Variants in PAM observed in about 807,000 individuals in gnomAD.
PAM encodes the protein peptidyl-glycine alpha-amidating monooxygenase.
A neutral mutation model predicts 122.1 loss-of-function variants in PAM; 72 were observed. That is an observed-to-expected ratio of 0.59 (90% CI 0.49 to 0.72). PAM has a LOEUF of 0.72. Ranked by LOEUF, PAM falls within the 30% of genes least tolerant of loss-of-function variation. The pLI is 0.00. For missense variants in PAM, 1,106 were observed against 1,183.7 expected (o/e 0.93, Z 0.96); for synonymous variants, 389 against 404.4 (o/e 0.96, Z 0.46).
intron 21 of PAM, among the ~76,000 whole-genome samples, chr5:103,013,551 CT>C (rs1223739762): frequency 6.6e-6 from 1 of 152,002 alleles, no homozygotes; most frequent in East Asian, 1.9e-4. Context: ...TCCTTTATTT[CT>C]TTTTCTTGTC....
chr5:102,939,274 A>G (rs981729251), intron 7 of PAM, among the ~76,000 whole-genome samples: 6 of 152,018 alleles, frequency 3.9e-5, no homozygotes, highest in Non-Finnish European at 8.8e-5. Flanking sequence ...ATTTCTTTTC[A>G]TTACATATTA....
chr5:103,019,201 G>A (rs1782880993), intron 22 of PAM, among the ~76,000 whole-genome samples: 2 of 152,252 alleles, frequency 1.3e-5, no homozygotes, highest in Admixed American at 1.3e-4. Context: ...GAAAGAAGAG[G>A]AATAATATTA....
At chr5:103,017,140 A>G (rs924281236) in intron 21 of PAM, among the ~76,000 whole-genome samples, 194 bp from the exon 22 acceptor site, 1 of 152,348 alleles carries the variant, frequency 6.6e-6, no homozygotes, top group Admixed American at 6.5e-5. Context: ...TATGCCTGGA[A>G]GAGTCAGTAC....
chr5:102,877,203 T>A (rs1789498981), intron 3 of PAM, among the ~76,000 whole-genome samples: 1 of 152,218 alleles, frequency 6.6e-6, no homozygotes, highest in Non-Finnish European at 1.5e-5. Context: ...AATTAATATG[T>A]GTAAAACACA....
chr5:102,970,054 C>A (rs1398905557), intron 14 of PAM, among the ~76,000 whole-genome samples: 1 of 152,076 alleles, frequency 6.6e-6, no homozygotes, highest in Non-Finnish European at 1.5e-5. Context: ...GCTACAGCCT[C>A]CCAGTAGATC....
chr5:102,905,373 G>A (rs1448629592), intron 4 of PAM, among the ~76,000 whole-genome samples: 2 of 151,670 alleles, frequency 1.3e-5, no homozygotes, highest in Non-Finnish European at 3.0e-5. Context: ...AAATGAGATA[G>A]AAGCCATTGA....
chr5:102,882,405 T>A (rs909114683), intron 3 of PAM, among the ~76,000 whole-genome samples: 3 of 151,636 alleles, frequency 2.0e-5, no homozygotes, highest in African/African-American at 7.3e-5. Context: ...AGATTTTTTT[T>A]ATTGTGGCCA....
At chr5:102,762,920 T>C (rs147913132) in intron 1 of PAM, among the ~76,000 whole-genome samples, 1 of 152,330 alleles carries the variant, frequency 6.6e-6, no homozygotes, top group East Asian at 1.9e-4. Flanking sequence ...TTGCAGAATT[T>C]TTATAATAGA....
At chr5:102,935,129 C>G (rs905553661) in intron 7 of PAM, among the ~76,000 whole-genome samples, 3 of 152,140 alleles carry the variant, frequency 2.0e-5, no homozygotes, top group African/African-American at 7.2e-5. Context: ...AAACCCTCTT[C>G]AATCATACCT....
intron 3 of PAM, among the ~76,000 whole-genome samples, chr5:102,886,696 A>G (rs1414516108): frequency 6.6e-6 from 1 of 152,054 alleles, no homozygotes; most frequent in Non-Finnish European, 1.5e-5. Context: ...ATCTTGCACT[A>G]AAGGATCTCT....
chr5:103,009,841 T>C lies in PAM; in HGVS notation c.2306T>C (p.Ile769Thr), dbSNP rs767111016. 2.5e-6 allele frequency: 4 copies of C among 1,607,572 alleles called. No homozygotes were observed. Among genetic ancestry groups the C allele is most frequent in the Non-Finnish European group, 1.7e-6 (2 of 1,174,808 alleles). Residue 769 changes from isoleucine to threonine, a missense_variant, in exon 21 of 26, where the codon ATA (isoleucine) becomes ACA (threonine). Ile to Thr is a moderately conservative substitution (Grantham distance 89). Around this residue, in one of 3 missense-constraint regions of PAM, gnomAD observed 333 missense variants for 335.6 expected, o/e 0.99. Transcript: ENST00000438793. ...FVMNFSNGEI[I>T]DIFKPVRKHF... is the part of the protein sequence containing the mutation. ...ATGAACTTTTCCAATGGGGAAATTA[T>C]AGACATCTTCAAGCCAGTGCGCAAG...
At chr5:103,024,978 T>C (rs771110594) in intron 23 of PAM, among the ~76,000 whole-genome samples, 153 bp from the exon 24 acceptor site, 4 of 152,114 alleles carry the variant, frequency 2.6e-5, no homozygotes, top group Non-Finnish European at 5.9e-5. Context: ...TGCTGCCAGT[T>C]TGGTAGATTC....
At chr5:103,028,850 AC>A (rs765173309) in intron 25 of PAM, 36 bp from the exon 26 acceptor site, 11 of 1,479,152 alleles carry the variant, frequency 7.4e-6, no homozygotes, top group Non-Finnish European at 1.0e-5. Flanking sequence ...ATTGCTGCAA[AC>A]TTTACCCAAT....
intron 15 of PAM, among the ~76,000 whole-genome samples, chr5:102,986,113 C>T (rs762814682): frequency 3.3e-5 from 5 of 152,118 alleles, no homozygotes; most frequent in Non-Finnish European, 7.4e-5. Context: ...GTAGAGCAAA[C>T]CCATGGCTGA....
chr5:102,938,559 G>GT (rs1390887948), intron 7 of PAM, among the ~76,000 whole-genome samples: 1 of 151,970 alleles, frequency 6.6e-6, no homozygotes, highest in Non-Finnish European at 1.5e-5. Context: ...AGTTCTTCTA[G>GT]TTTTTTTGAG....
intron 1 of PAM, among the ~76,000 whole-genome samples, chr5:102,795,300 GTCTTT>G (rs1372303362): frequency 2.0e-5 from 3 of 150,962 alleles, no homozygotes; most frequent in Non-Finnish European, 2.9e-5. Context: ...TTCTACTGAT[GTCTTT>G]CTCTGCACAT....
chr5:102,771,841 A>T (rs968738429), intron 1 of PAM, among the ~76,000 whole-genome samples: 1 of 152,118 alleles, frequency 6.6e-6, no homozygotes, highest in East Asian at 1.9e-4. Context: ...ACCTGCCCCT[A>T]GAGGGGCTGT....
At chr5:102,803,282 A>AT (rs150642537) in intron 1 of PAM, among the ~76,000 whole-genome samples, 4,098 of 151,740 alleles carry the variant, frequency 0.027, 110 homozygotes, top group East Asian at 0.14. Context: ...CAGACGAGGT[A>AT]TTTTTTTTCC....
chr5:102,805,128 T>C (rs1426638638), intron 1 of PAM, among the ~76,000 whole-genome samples: 1 of 147,016 alleles, frequency 6.8e-6, no homozygotes, highest in Non-Finnish European at 1.5e-5. Context: ...TGGAGTGCAG[T>C]AGTGTGATCT....
Sources: allele counts gnomAD v4.1 joint callset (sites outside exome capture counted in the v4.1 genomes callset), GRCh38; gene constraint gnomAD v4.1.1; regional missense constraint gnomAD v4.1.1; transcripts MANE v1.5; gene names NCBI Gene and HGNC (gene_info 2026-07-23, HGNC 2026-07-21).